Variants in HNRNPC observed in about 807,000 individuals in gnomAD.
HNRNPC encodes the protein heterogeneous nuclear ribonucleoprotein C.
In HNRNPC, 3 loss-of-function variants were observed where a neutral mutation model predicts 33.2. The observed-to-expected ratio is 0.09, with a 90% CI of 0.04 to 0.23. The LOEUF is 0.23. HNRNPC is among the 10% of genes least tolerant of loss of function. The probability of loss-of-function intolerance (pLI) is 1.00; values close to 1 mark genes in which losing one functional copy is unlikely to be tolerated. For synonymous variants in HNRNPC, 121 were observed against 126.7 expected, an observed-to-expected ratio of 0.96 and a Z score of 0.30; for missense variants, 143 against 366.7, an observed-to-expected ratio of 0.39 and a Z score of 4.98.
At chr14:21,252,671 G>A (rs745336726) in intron 2 of HNRNPC, among the ~76,000 whole-genome samples, 3 of 152,126 alleles carry the variant, frequency 2.0e-5, no homozygotes, top group Non-Finnish European at 2.9e-5. Context: ...TGGGATAATT[G>A]TGGTTAAGTC....
chr14:21,220,961 G>A (rs1006754793), intron 5 of HNRNPC, among the ~76,000 whole-genome samples: 10 of 152,156 alleles, frequency 6.6e-5, no homozygotes, highest in South Asian at 2.1e-4. Flanking sequence ...GTGGCGCGCC[G>A]GTATTCCCAG....
At chr14:21,230,215 A>G (rs1893960538) in intron 5 of HNRNPC, 104 bp downstream of exon 5, 1 of 711,822 alleles carries the variant, frequency 1.4e-6, no homozygotes, top group Non-Finnish European at 2.4e-6. Context: ...GAGTTAGGGG[A>G]GTATGTTTGA....
In HNRNPC at chr14:21,230,382, C is replaced by G. The variant is rs1453573019; in HGVS notation, c.318-16G>C. ...AAAAGAGGAGCTGAAAAATAAATAC[C>G]GAAAAGGGTTAATTTGGAAATGTTT... On this transcript the variant is annotated splice_polypyrimidine_tract_variant and intron_variant, in intron 4 of 8. Coordinates refer to ENST00000553300, the MANE Select transcript of HNRNPC (RefSeq NM_004500.4). 1.3e-6 allele frequency: 2 copies of G among 1,596,818 alleles called. No individual in the cohort carries two copies. Among genetic ancestry groups the G allele is most frequent in the Non-Finnish European group, 1.7e-6 (2 of 1,165,520 alleles).
chr14:21,221,290 A>C (rs1892800221), intron 5 of HNRNPC, among the ~76,000 whole-genome samples: 1 of 152,202 alleles, frequency 6.6e-6, no homozygotes, highest in African/African-American at 2.4e-5. Flanking sequence ...TTTAGTCATT[A>C]CATTTCTTAT....
chr14:21,250,512 G>A (rs1896515457), intron 2 of HNRNPC, among the ~76,000 whole-genome samples: 1 of 152,128 alleles, frequency 6.6e-6, no homozygotes, highest in Admixed American at 6.5e-5. Context: ...AACCAAGAAT[G>A]GTTATATCAC....
chr14:21,240,603 A>G (rs556411773), intron 2 of HNRNPC, among the ~76,000 whole-genome samples: 53 of 152,182 alleles, frequency 3.5e-4, no homozygotes, highest in African/African-American at 1.2e-3. Flanking sequence ...TGGAGTCAAG[A>G]CTTCAGCTTC....
chr14:21,221,742 T>C (rs186645312), intron 5 of HNRNPC, among the ~76,000 whole-genome samples: 231 of 152,090 alleles, frequency 1.5e-3, no homozygotes, highest in African/African-American at 5.4e-3. Flanking sequence ...TCTGAATACA[T>C]GTGTGGAAGA....
At chr14:21,255,984 T>C (rs575558998) in intron 2 of HNRNPC, among the ~76,000 whole-genome samples, 2 of 152,290 alleles carry the variant, frequency 1.3e-5, no homozygotes, top group African/African-American at 4.8e-5. Context: ...AGTGGAAACA[T>C]ATCCAATGTG....
chr14:21,247,253 A>AATCACTAAAG (rs1896083267), intron 2 of HNRNPC, among the ~76,000 whole-genome samples: 1 of 152,078 alleles, frequency 6.6e-6, no homozygotes. Context: ...CCTAGTTCAT[A>AATCACTAAAG]ATCACTAAAG....
At position 21,230,306 on chromosome 14, in the gene HNRNPC, C is replaced by G. The variant is rs1034921811; in HGVS notation, c.365+13G>C. On this transcript the variant is annotated intron_variant, in intron 5 of 8. Coordinates refer to ENST00000553300, the MANE Select transcript of HNRNPC (RefSeq NM_004500.4). ...ATAGCTGTTTAGCAGAAATACAAAA[C>G]ATTTTAACATACCTATCATAATAGT... The G allele has an allele frequency of 4.4e-6, 7 of 1,586,372 alleles. No individual in the cohort carries two copies. The African/African-American group carries it at 9.4e-5, about 21-fold the overall frequency.
chr14:21,223,080 C>G (rs1257721217), intron 5 of HNRNPC, among the ~76,000 whole-genome samples: 2 of 151,984 alleles, frequency 1.3e-5, no homozygotes, highest in Non-Finnish European at 2.9e-5. Flanking sequence ...GTGATGCATG[C>G]CTGTAATCCC....
At chr14:21,213,254 A>G (rs1891813485) in intron 5 of HNRNPC, 137 bp from the exon 6 acceptor site, 3 of 844,352 alleles carry the variant, frequency 3.6e-6, no homozygotes, top group Admixed American at 3.0e-5. Flanking sequence ...GAAGGCCAGC[A>G]AAAACCTCCA....
At chr14:21,217,105 C>T (rs1326082620) in intron 5 of HNRNPC, among the ~76,000 whole-genome samples, 7 of 152,210 alleles carry the variant, frequency 4.6e-5, no homozygotes, top group South Asian at 2.1e-4. Flanking sequence ...ATATTTCAGC[C>T]GGTGGGGCTT....
chr14:21,242,653 G>GT (rs750271464), intron 2 of HNRNPC, among the ~76,000 whole-genome samples: 2 of 152,304 alleles, frequency 1.3e-5, no homozygotes. Flanking sequence ...GGGGGAAAAT[G>GT]TATCTTTACA....
At chr14:21,230,742 C>T in intron 4 of HNRNPC, 1 of 510,648 alleles carries the variant, frequency 2.0e-6, no homozygotes, top group Non-Finnish European at 3.4e-6. Context: ...AAATATCAAA[C>T]TACTCTTTAA....
Position 21,227,959 on chromosome 14 carries a change from A to G in HNRNPC, c.365+2360T>C, listed in dbSNP as rs539571057. 5.3e-5 allele frequency among the ~76,000 whole-genome samples: 8 copies of G among 152,352 alleles called. No homozygotes were observed. In the South Asian group the frequency reaches 1.7e-3, roughly 32 times the overall value. On this transcript the variant is annotated intron_variant, in intron 5 of 8. Coordinates refer to ENST00000553300, the MANE Select transcript of HNRNPC (RefSeq NM_004500.4). Reference sequence around the variant, plus strand: ...TACACAGAAACACAACCACGTCCTTAATCTTTTATTAATGATTCTCAACTC... The same window carrying G: ...TACACAGAAACACAACCACGTCCTTGATCTTTTATTAATGATTCTCAACTC...
At chr14:21,257,173 G>A (rs1329442789) in intron 2 of HNRNPC, among the ~76,000 whole-genome samples, 3 of 152,128 alleles carry the variant, frequency 2.0e-5, no homozygotes, top group Non-Finnish European at 4.4e-5. Flanking sequence ...AACTGAATTG[G>A]TATGACATTC....
Position 21,236,079 on chromosome 14 carries a change from C to T in HNRNPC, c.-36-1850G>A, listed in dbSNP as rs140648889. ...CATAGCTAGTATTATTTTCACAAGT[C>T]TGAGTACATAGCTAGTACTAATCAA... On this transcript the variant is annotated intron_variant, in intron 2 of 8. Coordinates refer to ENST00000553300, the MANE Select transcript of HNRNPC (RefSeq NM_004500.4). Among the ~76,000 whole-genome samples the T allele has an allele frequency of 3.4e-3, 520 of 152,196 alleles. 1 individual carries two copies. The highest frequency in any genetic ancestry group is 6.5e-3 in the Admixed American group (99 of 15,288).
chr14:21,233,849 C>A, intron 3 of HNRNPC, 104 bp downstream of exon 3: 4 of 1,392,192 alleles, frequency 2.9e-6, no homozygotes, highest in Non-Finnish European at 3.9e-6. Context: ...TCGCAATATC[C>A]AGAATATCTC....
Sources: gnomAD v4.1 joint callset for allele counts (sites outside exome capture counted in the v4.1 genomes callset) on GRCh38, gnomAD v4.1.1 for gene constraint, MANE v1.5 for transcripts, NCBI Gene and HGNC (gene_info 2026-07-23, HGNC 2026-07-21) for gene names.